Variants in SLC29A4 observed in about 807,000 individuals in gnomAD.
SLC29A4 encodes equilibrative nucleoside transporter 4.
Under a neutral mutation model 43.9 loss-of-function variants are expected in SLC29A4, and 36 were observed. The observed-to-expected ratio is 0.82, with a 90% CI of 0.63 to 1.08. SLC29A4 has a LOEUF of 1.08. Ranked by LOEUF, SLC29A4 falls within the 50% of genes least tolerant of loss-of-function variation. The probability of loss-of-function intolerance (pLI) is 0.00; values close to 1 mark genes in which losing one functional copy is unlikely to be tolerated. For synonymous variants in SLC29A4, 491 were observed against 338.0 expected (o/e 1.45, Z -4.97); for missense variants, 869 against 755.3 (o/e 1.15, Z -1.77).
intron 9 of SLC29A4, 121 bp from the exon 10 acceptor site, chr7:5,300,301 A>T: frequency 3.5e-6 from 5 of 1,447,040 alleles, no homozygotes; most frequent in Non-Finnish European, 4.7e-6. Flanking sequence ...GCAGGGGTGC[A>T]GGCTGAGCTG....
intron 2 of SLC29A4, 72 bp downstream of exon 2, chr7:5,288,057 C>G (rs1003845000): frequency 1.3e-6 from 2 of 1,493,422 alleles, no homozygotes; most frequent in Admixed American, 5.0e-5. Context: ...CCAGTGAAGC[C>G]TTGCGGTATC....
At chr7:5,293,551 C>A (rs1037366203) in intron 5 of SLC29A4, among the ~76,000 whole-genome samples, 19 of 152,114 alleles carry the variant, frequency 1.2e-4, no homozygotes, top group African/African-American at 4.6e-4. Context: ...CCTGTAAACA[C>A]GTGTGTGTAT....
intron 9 of SLC29A4, 141 bp downstream of exon 9, chr7:5,299,568 C>CCATCCTGGACAGTGTCCT (rs1785985888): frequency 2.1e-6 from 2 of 962,002 alleles, no homozygotes; most frequent in East Asian, 5.3e-5. Flanking sequence ...TGCAGTGGCG[C>CCATCCTGGACAGTGTCCT]CATCCTGGAC....
chr7:5,304,487 T>C lies in SLC29A4; in HGVS notation c.*1548T>C, dbSNP rs1786383239. ...GTGCAATTTGGACAAAATCCTGCAC[T>C]GTTCTGTGCCTCATTTCTTTCTTTT... On this transcript the variant is annotated 3_prime_UTR_variant, in exon 11 of 11. Transcript: ENST00000396872. 6.9e-6 allele frequency: 1 copy of C among 145,486 alleles called. No homozygotes were observed. The highest frequency in any genetic ancestry group is 1.5e-5 in the Non-Finnish European group (1 of 66,246). 9.0% of individuals were successfully genotyped at this position (145,486 alleles called of 1,614,324 possible). A position where few individuals can be genotyped will look rare whatever the true frequency, so the allele number is the denominator to read the frequency against.
At chr7:5,287,068 C>G (rs1178263515) in intron 1 of SLC29A4, among the ~76,000 whole-genome samples, 1 of 152,194 alleles carries the variant, frequency 6.6e-6, no homozygotes, top group Non-Finnish European at 1.5e-5. Context: ...CTGAGCCATT[C>G]TCCTCCCCTC....
In SLC29A4 at chr7:5,291,904, C is replaced by T. The variant is rs115802470; in HGVS notation, c.544+83C>T. The T allele has an allele frequency of 2.6e-4, 398 of 1,527,974 alleles. 1 individual carries two copies. The African/African-American group carries it at 4.6e-3, about 17-fold the overall frequency. 94.7% of individuals were successfully genotyped at this position (1,527,974 alleles called of 1,614,324 possible). On this transcript the variant is annotated intron_variant, in intron 5 of 10. Transcript: ENST00000396872. ...CCCAGCCCTGGTCTCCTGCTGGTGG[C>T]ATGTGACATGATGGGAACCGGGCTG...
rs1786418802 is a variant in SLC29A4, at chr7:5,305,136, C to T, written c.*2197C>T. 6.6e-6 allele frequency: 1 copy of T among 152,278 alleles called. No homozygotes were observed. Among genetic ancestry groups the T allele is most frequent in the Non-Finnish European group, 1.5e-5 (1 of 68,088 alleles). The allele number at this position is 152,278 out of a possible 1,614,324, so 9.4% of individuals were successfully genotyped here. A position where few individuals can be genotyped will look rare whatever the true frequency, so the allele number is the denominator to read the frequency against. ...TGGCCTGTTCTGTCCTTAGCTTCCC[C>T]AAGGAATGGGGCTGGTCCAGGTTTT... On this transcript the variant is annotated 3_prime_UTR_variant, in exon 11 of 11. Transcript: ENST00000396872.
intron 3 of SLC29A4, 77 bp from the exon 4 acceptor site, chr7:5,291,038 AGCCCCTTCT>A: frequency 6.4e-7 from 1 of 1,554,148 alleles, no homozygotes; most frequent in Non-Finnish European, 8.8e-7. Context: ...GTGGGCAGCG[AGCCCCTTCT>A]GGGAGGTCTC....
Position 5,297,174 on chromosome 7 carries a change from C to T in SLC29A4, c.858C>T (p.Asp286=), listed in dbSNP as rs568441145. The change falls in exon 7 of 11, where the codon GAC becomes GAT. Residue 286 remains aspartate (D), a synonymous_variant. Transcript: ENST00000396872. ...GRGYGYRVHH[D]VVAGDVHFEH... ...GCTATGGCTACCGCGTGCACCACGACGTTGTCGCCGGGGACGTCCACTTCG... is the reference window on the plus strand; with the variant it reads ...GCTATGGCTACCGCGTGCACCACGATGTTGTCGCCGGGGACGTCCACTTCG... 2.2e-4 allele frequency: 358 copies of T among 1,594,376 alleles called. 4 individuals are homozygous for T. The East Asian group carries it at 7.3e-3, about 32-fold the overall frequency.
intron 7 of SLC29A4, 40 bp downstream of exon 7, chr7:5,297,238 C>CCA (rs779102587): frequency 2.2e-5 from 33 of 1,489,470 alleles, no homozygotes; most frequent in Middle Eastern, 1.9e-4. Flanking sequence ...TTCTCTGTCC[C>CCA]CTTCTCTGTC....
intron 6 of SLC29A4, 77 bp downstream of exon 6, chr7:5,295,011 C>T (rs1785557032): frequency 7.9e-7 from 1 of 1,267,648 alleles, no homozygotes. Flanking sequence ...AGGGACTCCC[C>T]ATGATGCTCC....
intron 2 of SLC29A4, among the ~76,000 whole-genome samples, chr7:5,290,331 G>A (rs1785226732): frequency 6.6e-6 from 1 of 152,194 alleles, no homozygotes; most frequent in South Asian, 2.1e-4. Context: ...CCAAAGTGCT[G>A]GGATTACAGT....
rs137876561 is a variant in SLC29A4, at chr7:5,287,926, C to T, written c.110C>T (p.Ala37Val). The change falls in exon 2 of 11, where the codon GCG becomes GTG. Residue 37 changes from alanine (A) to valine (V), a missense_variant. Coordinates refer to ENST00000396872, the MANE Select transcript of SLC29A4 (RefSeq NM_153247.4). ...GACAGTCACCAGCTGGAGGAGGCGGCGGAGGCGGCTCAGGGCCAGGGCCTT... is the reference window on the plus strand; with the variant it reads ...GACAGTCACCAGCTGGAGGAGGCGGTGGAGGCGGCTCAGGGCCAGGGCCTT... ...TFDSHQLEEAAEAAQGQGLRA... is the reference protein window; with the variant it reads ...TFDSHQLEEAVEAAQGQGLRA... The T allele has an allele frequency of 2.8e-5, 45 of 1,611,648 alleles. No homozygotes were observed. Among genetic ancestry groups the T allele is most frequent in the Middle Eastern group, 4.1e-4 (2 of 4,884 alleles).
intron 2 of SLC29A4, among the ~76,000 whole-genome samples, chr7:5,289,805 C>T (rs1785189949): frequency 2.0e-5 from 3 of 152,250 alleles, no homozygotes; most frequent in Admixed American, 1.3e-4. Flanking sequence ...TACAAGAACC[C>T]GGTACAACCC....
At chr7:5,300,761 G>T in intron 10 of SLC29A4, 99 bp downstream of exon 10, 1 of 1,469,700 alleles carries the variant, frequency 6.8e-7, no homozygotes, top group Non-Finnish European at 9.0e-7. Context: ...GTGCATTTGG[G>T]TTCCGGGGGT....
chr7:5,299,219 C>A, intron 8 of SLC29A4, 21 bp from the exon 9 acceptor site: 2 of 1,603,844 alleles, frequency 1.2e-6, no homozygotes, highest in Non-Finnish European at 1.7e-6. Context: ...CTGCCTCTGA[C>A]CCCCGCCCGC....
chr7:5,299,030 G>T lies in SLC29A4; in HGVS notation c.925G>T (p.Asp309Tyr). The part of the protein sequence containing the change: ...PALAPNESPK[D>Y]SPAHEVTGSG... ...CCTGGCCCCCAACGAGTCCCCAAAG[G>T]ACAGCCCAGCCCACGAGGTGACCGG... The change falls in exon 8 of 11, where the codon GAC (aspartate) becomes TAC (tyrosine). Residue 309 changes from aspartate to tyrosine, a missense_variant. Asp to Tyr is a radical substitution (Grantham distance 160). Transcript: ENST00000396872. The T allele has an allele frequency of 1.9e-6, 3 of 1,611,842 alleles. No homozygotes were observed.
intron 1 of SLC29A4, among the ~76,000 whole-genome samples, chr7:5,284,572 A>G (rs4724512): frequency 0.27 from 41,812 of 152,186 alleles, 5,883 homozygotes; most frequent in East Asian, 0.38. Context: ...GCCAGTGTGC[A>G]TGTCGTTAAA....
intron 1 of SLC29A4, among the ~76,000 whole-genome samples, chr7:5,285,043 T>C (rs959324489): frequency 6.6e-6 from 1 of 152,148 alleles, no homozygotes; most frequent in African/African-American, 2.4e-5. Context: ...TTGATTGTTG[T>C]AGACTGTCAC....
Sources: allele counts gnomAD v4.1 joint callset (sites outside exome capture counted in the v4.1 genomes callset), GRCh38; gene constraint gnomAD v4.1.1; transcripts MANE v1.5; gene names NCBI Gene and HGNC (gene_info 2026-07-23, HGNC 2026-07-21).